The following AFG2A variants were observed in gnomAD, a reference collection of about 807,000 sequenced individuals.
AFG2A encodes ATPase family gene 2 protein homolog A.
chr4:123,162,276 T>G, the AFG2A span, among the ~76,000 whole-genome samples: 2 of 152,292 alleles, frequency 1.3e-5, no homozygotes, highest in South Asian at 4.1e-4. Flanking sequence ...TTCAAATACA[T>G]GCAAGGAAAA....
the AFG2A span, among the ~76,000 whole-genome samples, chr4:122,961,806 C>G: frequency 6.6e-6 from 1 of 152,204 alleles, no homozygotes; most frequent in Non-Finnish European, 1.5e-5. Context: ...TTCTGGCTGA[C>G]AGATTTTCTT....
At chr4:123,280,345 C>T in the AFG2A span, among the ~76,000 whole-genome samples, 4 of 151,990 alleles carry the variant, frequency 2.6e-5, no homozygotes, top group South Asian at 2.1e-4. Context: ...TGTGTACTAC[C>T]ACCATTTTAA....
chr4:123,272,543 C>T, the AFG2A span, among the ~76,000 whole-genome samples: 1 of 152,106 alleles, frequency 6.6e-6, no homozygotes, highest in Non-Finnish European at 1.5e-5. Flanking sequence ...AGTGCTTCAG[C>T]AGAAGTAGAC....
the AFG2A span, among the ~76,000 whole-genome samples, chr4:123,131,639 TTA>T: frequency 1.3e-5 from 2 of 152,194 alleles, no homozygotes; most frequent in East Asian, 3.8e-4. Flanking sequence ...CAAGATTATT[TTA>T]TGTTATATAA....
At chr4:123,253,017 G>C in the AFG2A span, among the ~76,000 whole-genome samples, 1 of 152,128 alleles carries the variant, frequency 6.6e-6, no homozygotes, top group African/African-American at 2.4e-5. Context: ...GTAGACATTT[G>C]GGTTGTTTAC....
At chr4:123,024,704 T>C in the AFG2A span, among the ~76,000 whole-genome samples, 1 of 152,248 alleles carries the variant, frequency 6.6e-6, no homozygotes, top group African/African-American at 2.4e-5. Context: ...TGGAACATCA[T>C]CTTCTAGTTC....
At chr4:123,040,738 GTCTTTTT>G in the AFG2A span, among the ~76,000 whole-genome samples, 1 of 151,958 alleles carries the variant, frequency 6.6e-6, no homozygotes, top group Non-Finnish European at 1.5e-5. Context: ...TTCATTGTTT[GTCTTTTT>G]TTAAGTTAAA....
the AFG2A span, among the ~76,000 whole-genome samples, chr4:123,104,901 A>G: frequency 6.6e-6 from 1 of 152,254 alleles, no homozygotes; most frequent in Non-Finnish European, 1.5e-5. Context: ...ATAAAAATGT[A>G]AAGTGAAGCA....
At chr4:123,010,570 A>G in the AFG2A span, among the ~76,000 whole-genome samples, 2 of 152,194 alleles carry the variant, frequency 1.3e-5, no homozygotes, top group Non-Finnish European at 2.9e-5. Flanking sequence ...TGGATATTAG[A>G]TATTAAAACC....
At chr4:123,063,931 T>C in the AFG2A span, among the ~76,000 whole-genome samples, 1 of 152,210 alleles carries the variant, frequency 6.6e-6, no homozygotes, top group African/African-American at 2.4e-5. Context: ...AGCAGAGGAT[T>C]GCAGCCAGCA....
chr4:123,089,126 CAT>C, the AFG2A span, among the ~76,000 whole-genome samples: 1 of 152,180 alleles, frequency 6.6e-6, no homozygotes, highest in Non-Finnish European at 1.5e-5. Flanking sequence ...ATGACAACCT[CAT>C]GTGCATTTGA....
At chr4:123,275,605 C>G in the AFG2A span, among the ~76,000 whole-genome samples, 1 of 152,018 alleles carries the variant, frequency 6.6e-6, no homozygotes, top group Non-Finnish European at 1.5e-5. Flanking sequence ...AGGTAATAAT[C>G]ACGGTATCTG....
At chr4:123,110,523 A>G in the AFG2A span, among the ~76,000 whole-genome samples, 6 of 152,300 alleles carry the variant, frequency 3.9e-5, no homozygotes, top group Admixed American at 3.3e-4. Context: ...GAAAATTAAT[A>G]TTTGCTTTTA....
At chr4:123,144,143 G>A in the AFG2A span, among the ~76,000 whole-genome samples, 3 of 151,810 alleles carry the variant, frequency 2.0e-5, no homozygotes, top group Non-Finnish European at 4.4e-5. Flanking sequence ...ACACCTATGG[G>A]GTTGACAACT....
At chr4:122,991,248 CT>C in the AFG2A span, among the ~76,000 whole-genome samples, 1 of 152,172 alleles carries the variant, frequency 6.6e-6, no homozygotes, top group Non-Finnish European at 1.5e-5. Context: ...CTGTTACTTT[CT>C]TTGGCCAGTG....
the AFG2A span, among the ~76,000 whole-genome samples, chr4:123,006,589 T>C: frequency 1.3e-5 from 2 of 152,162 alleles, no homozygotes; most frequent in Admixed American, 6.5e-5. Context: ...GTGCTGCACC[T>C]ACCAGTTCAC....
At chr4:123,058,173 C>G in the AFG2A span, among the ~76,000 whole-genome samples, 2 of 152,212 alleles carry the variant, frequency 1.3e-5, no homozygotes, top group African/African-American at 4.8e-5. Context: ...AAGACATACT[C>G]GAGACTGGGT....
chr4:123,001,479 G>A, the AFG2A span, among the ~76,000 whole-genome samples: 4 of 151,318 alleles, frequency 2.6e-5, no homozygotes, highest in Non-Finnish European at 5.9e-5. Context: ...CTTTGAATGT[G>A]TCCCAGAGAT....
At chr4:123,107,390 G>A in the AFG2A span, among the ~76,000 whole-genome samples, 1 of 152,228 alleles carries the variant, frequency 6.6e-6, no homozygotes, top group Admixed American at 6.5e-5. Flanking sequence ...AACATAGGTA[G>A]CTCCTTTCTG....
Sources: gnomAD v4.1 joint callset for allele counts (sites outside exome capture counted in the v4.1 genomes callset) on GRCh38, gnomAD v4.1.1 for gene constraint, MANE v1.5 for transcripts, NCBI Gene and HGNC (gene_info 2026-07-23, HGNC 2026-07-21) for gene names.